PDE1C: variants seen among roughly 807,000 people sequenced by gnomAD.
PDE1C encodes the protein phosphodiesterase 1C.
In PDE1C, 62 loss-of-function variants were observed where a neutral mutation model predicts 93.1. That is an observed-to-expected ratio of 0.67 (90% CI 0.54 to 0.82). The LOEUF (loss-of-function observed/expected upper bound fraction) is 0.82, where lower values mean the gene tolerates loss of function less well. PDE1C is among the 40% of genes least tolerant of loss of function. The probability of loss-of-function intolerance (pLI) is 0.00; values close to 1 mark genes in which losing one functional copy is unlikely to be tolerated. For synonymous variants in PDE1C, 325 were observed against 310.1 expected (o/e 1.05, Z -0.50); for missense variants, 742 against 884.6 (o/e 0.84, Z 2.04).
At chr7:31,819,388 G>A (rs527751400) in intron 14 of PDE1C, among the ~76,000 whole-genome samples, 10 of 152,146 alleles carry the variant, frequency 6.6e-5, no homozygotes, top group Non-Finnish European at 1.2e-4. Context: ...TGAAATTTTC[G>A]TATAACAAGA....
chr7:32,261,749 G>C (rs532282224), intron 1 of PDE1C, among the ~76,000 whole-genome samples: 2 of 152,334 alleles, frequency 1.3e-5, no homozygotes, highest in East Asian at 3.9e-4. Flanking sequence ...AGAACAATGT[G>C]AATCAGAAAA....
At chr7:32,296,457 T>C (rs545727897) in intron 1 of PDE1C, among the ~76,000 whole-genome samples, 1 of 152,280 alleles carries the variant, frequency 6.6e-6, no homozygotes, top group South Asian at 2.1e-4. Flanking sequence ...TATAGTAAAA[T>C]TGAATAAATG....
In PDE1C at chr7:31,770,437, C is replaced by T. The variant is rs142034161; in HGVS notation, c.1960+5227G>A. Among the ~76,000 whole-genome samples the T allele has an allele frequency of 4.0e-3, 606 of 152,186 alleles. 3 individuals are homozygous for T. Among genetic ancestry groups the T allele is most frequent in the African/African-American group, 0.013 (552 of 41,532 alleles). Reference sequence around the variant, plus strand: ...CCTAATTTTTTCTTGGTTGTTTGCACGTTGTTATGTTTAAGAAACCACTGC... The same window carrying T: ...CCTAATTTTTTCTTGGTTGTTTGCATGTTGTTATGTTTAAGAAACCACTGC... On this transcript the variant is annotated intron_variant, in intron 17 of 17. Coordinates refer to ENST00000396191, the MANE Select transcript of PDE1C (RefSeq NM_001191057.4).
chr7:32,334,602 C>A (rs1320175157), intron 1 of PDE1C, among the ~76,000 whole-genome samples: 2 of 145,696 alleles, frequency 1.4e-5, no homozygotes, highest in African/African-American at 5.1e-5. Context: ...CCCTCCCCCC[C>A]CATGTCCCCA....
intron 16 of PDE1C, among the ~76,000 whole-genome samples, chr7:31,780,836 T>C (rs1211115422): frequency 1.4e-5 from 2 of 144,240 alleles, no homozygotes; most frequent in African/African-American, 5.3e-5. Flanking sequence ...TGTGTGTGTG[T>C]GTGTGTGTCT....
At chr7:32,031,387 G>T (rs1339754476) in intron 2 of PDE1C, among the ~76,000 whole-genome samples, 1 of 152,100 alleles carries the variant, frequency 6.6e-6, no homozygotes. Context: ...TAAGTAACTT[G>T]CTTAAAGCCA....
intron 2 of PDE1C, among the ~76,000 whole-genome samples, chr7:31,913,815 C>T (rs915223325): frequency 1.3e-5 from 2 of 152,178 alleles, no homozygotes; most frequent in South Asian, 2.1e-4. Flanking sequence ...AGCTACTGAA[C>T]GGCATCTGTG....
At chr7:31,914,673 T>G (rs1052819764) in intron 2 of PDE1C, among the ~76,000 whole-genome samples, 1 of 152,208 alleles carries the variant, frequency 6.6e-6, no homozygotes, top group African/African-American at 2.4e-5. Flanking sequence ...TATAAGACAT[T>G]GCCTCAAGAA....
At chr7:32,174,657 C>T (rs1220898790) in intron 2 of PDE1C, among the ~76,000 whole-genome samples, 1 of 151,956 alleles carries the variant, frequency 6.6e-6, no homozygotes, top group East Asian at 1.9e-4. Context: ...TTGCAAAGTG[C>T]CTTGAATAAA....
At chr7:32,263,939 G>A (rs937647820) in intron 1 of PDE1C, among the ~76,000 whole-genome samples, 1 of 152,054 alleles carries the variant, frequency 6.6e-6, no homozygotes, top group Non-Finnish European at 1.5e-5. Context: ...TGATCACCTG[G>A]TCAAGGTACT....
the PDE1C span, among the ~76,000 whole-genome samples, chr7:31,644,413 C>G: frequency 6.6e-6 from 1 of 152,136 alleles, no homozygotes; most frequent in East Asian, 1.9e-4. Flanking sequence ...TAAGAAGAAC[C>G]CTGTAAAGCA....
At chr7:32,211,863 A>C (rs1806055549) in intron 1 of PDE1C, among the ~76,000 whole-genome samples, 1 of 151,856 alleles carries the variant, frequency 6.6e-6, no homozygotes, top group Admixed American at 6.6e-5. Flanking sequence ...CTCCACAAAA[A>C]AAGTTTTAAC....
the PDE1C span, among the ~76,000 whole-genome samples, chr7:31,645,343 T>C: frequency 6.6e-6 from 1 of 152,216 alleles, no homozygotes; most frequent in African/African-American, 2.4e-5. Flanking sequence ...AAAGTTTAAA[T>C]AATTTATCAG....
chr7:31,704,328 AG>A, the PDE1C span, among the ~76,000 whole-genome samples: 3 of 152,186 alleles, frequency 2.0e-5, no homozygotes, highest in Non-Finnish European at 4.4e-5. Context: ...GAACTATTTT[AG>A]ATGGGGCTCT....
chr7:31,780,320 T>C (rs758119446), intron 16 of PDE1C, among the ~76,000 whole-genome samples: 31 of 152,246 alleles, frequency 2.0e-4, no homozygotes, highest in Non-Finnish European at 1.5e-4. Context: ...GATGTGAATC[T>C]TGTAAATGGT....
At chr7:32,336,072 C>T (rs551459069) in intron 1 of PDE1C, among the ~76,000 whole-genome samples, 1 of 152,274 alleles carries the variant, frequency 6.6e-6, no homozygotes, top group African/African-American at 2.4e-5. Flanking sequence ...ATTAATTCAT[C>T]AGGGGGCACA....
At chr7:32,196,364 T>C (rs1252583457) in intron 2 of PDE1C, among the ~76,000 whole-genome samples, 1 of 152,098 alleles carries the variant, frequency 6.6e-6, no homozygotes, top group Non-Finnish European at 1.5e-5. Context: ...AGGTAGAGAG[T>C]AGAGTTATGT....
chr7:31,775,713 G>C lies in PDE1C; in HGVS notation c.1911C>G (p.His637Gln), dbSNP rs780738559. ...KKTDGTKQRS[H>Q]GSPAPSTSST... ...AGCTGGTGCTTGGGGCTGGTGAGCCGTGAGAACGCTGTTTTGTGCCTGTGA... is the reference window on the plus strand; with the variant it reads ...AGCTGGTGCTTGGGGCTGGTGAGCCCTGAGAACGCTGTTTTGTGCCTGTGA... Residue 637 changes from histidine to glutamine, a missense_variant, in exon 17 of 18, where the codon CAC becomes CAG. Physicochemically the swap from His to Gln is conservative, Grantham distance 24. Coordinates refer to ENST00000396191, the MANE Select transcript of PDE1C (RefSeq NM_001191057.4). The C allele has an allele frequency of 1.9e-6, 3 of 1,612,680 alleles. No individual in the cohort carries two copies. Among genetic ancestry groups the C allele is most frequent in the Admixed American group, 1.7e-5 (1 of 59,996 alleles).
chr7:31,984,033 G>C (rs1783048338), intron 2 of PDE1C, among the ~76,000 whole-genome samples: 1 of 152,124 alleles, frequency 6.6e-6, no homozygotes, highest in African/African-American at 2.4e-5. Context: ...AGGGGTGTGA[G>C]GCACGTTCAA....
Sources: gnomAD v4.1 joint callset for allele counts (sites outside exome capture counted in the v4.1 genomes callset) on GRCh38, gnomAD v4.1.1 for gene constraint, MANE v1.5 for transcripts, NCBI Gene and HGNC (gene_info 2026-07-23, HGNC 2026-07-21) for gene names.